The following CLYBL variants were observed in gnomAD, a reference collection of about 807,000 sequenced individuals.
The protein encoded by CLYBL is citramalyl-CoA lyase, mitochondrial.
CLYBL carries 31 observed loss-of-function variants against 38.9 expected under a neutral mutation model. That is an observed-to-expected ratio of 0.80 (90% confidence interval 0.60 to 1.08). The LOEUF is 1.08. CLYBL is among the 50% of genes least tolerant of loss of function. The probability of loss-of-function intolerance (pLI) is 0.00; values close to 1 mark genes in which losing one functional copy is unlikely to be tolerated. For synonymous variants in CLYBL, 171 were observed against 158.6 expected, an observed-to-expected ratio of 1.08 and a Z score of -0.59; for missense variants, 434 against 411.6, an observed-to-expected ratio of 1.05 and a Z score of -0.47.
At chr13:99,781,007 C>T (rs1203368447) in intron 2 of CLYBL, among the ~76,000 whole-genome samples, 1 of 151,920 alleles carries the variant, frequency 6.6e-6, no homozygotes, top group Non-Finnish European at 1.5e-5. Context: ...AGCCACTGCA[C>T]CCGGCTAATC....
Position 99,606,691 on chromosome 13 carries a change from G to T in CLYBL, c.-5G>T. 1 of 1,488,520 alleles carries T rather than the reference G, an allele frequency of 6.7e-7. No homozygotes were observed. The allele number at this position is 1,488,520 out of a possible 1,614,324, so 92.2% of individuals were successfully genotyped here. A position where few individuals can be genotyped will look rare whatever the true frequency, so the allele number is the denominator to read the frequency against. ...GGCAAAGGGCGGGGCGCGCGCGTCGGGAAGATGGCGCTACGTCTGCTGCGG... is the reference window on the plus strand; with the variant it reads ...GGCAAAGGGCGGGGCGCGCGCGTCGTGAAGATGGCGCTACGTCTGCTGCGG... On this transcript the variant is annotated 5_prime_UTR_variant, in exon 1 of 9. Coordinates refer to ENST00000339105, the MANE Select transcript of CLYBL (RefSeq NM_206808.5).
intron 7 of CLYBL, among the ~76,000 whole-genome samples, chr13:99,878,992 C>T (rs1342140244): frequency 1.3e-5 from 2 of 152,086 alleles, no homozygotes; most frequent in Non-Finnish European, 2.9e-5. Flanking sequence ...CCGTGGAGAC[C>T]CAGACCTGGG....
chr13:99,697,611 A>T (rs2047999214), intron 1 of CLYBL, among the ~76,000 whole-genome samples: 2 of 147,264 alleles, frequency 1.4e-5, no homozygotes, highest in Admixed American at 6.9e-5. Context: ...TGGCTTCCCA[A>T]AGTGCTGGGA....
At position 99,884,197 on chromosome 13, in the gene CLYBL, C is replaced by CAAGT. The variant is rs558288689; in HGVS notation, c.928-7120_928-7117dup. Among the ~76,000 whole-genome samples the CAAGT allele has an allele frequency of 7.2e-5, 11 of 152,258 alleles. No individual in the cohort carries two copies. In the South Asian group the frequency reaches 2.3e-3, roughly 32 times the overall value. On this transcript the variant is annotated intron_variant, in intron 7 of 8. Coordinates refer to ENST00000339105, the MANE Select transcript of CLYBL (RefSeq NM_206808.5). ...CCATGGTGTCCTACCAGAGGCTCAG[C>CAAGT]AAGTGTTGGCCAACTGACCAGTGAA...
In CLYBL at chr13:99,867,499, AC is replaced by A. The variant is rs200113173; in HGVS notation, c.802+1100del. On this transcript the variant is annotated intron_variant, in intron 6 of 8. Coordinates refer to ENST00000339105, the MANE Select transcript of CLYBL (RefSeq NM_206808.5). ...TACACAAAGAGCTAAAATAAATATG[AC>A]CCCCCCCAATTTTTTAAATAAGTGT... is the stretch of plus-strand genomic sequence containing the variant. Among the ~76,000 whole-genome samples, 20 of 148,762 alleles carry A rather than the reference AC, an allele frequency of 1.3e-4. 1 individual carries two copies. The highest frequency in any genetic ancestry group is 6.5e-4 in the South Asian group (3 of 4,628).
chr13:99,798,135 C>A (rs1046586739), intron 2 of CLYBL, among the ~76,000 whole-genome samples: 1 of 152,102 alleles, frequency 6.6e-6, no homozygotes, highest in Non-Finnish European at 1.5e-5. Flanking sequence ...CATAAGCTTC[C>A]CCATAGTCAC....
intron 2 of CLYBL, among the ~76,000 whole-genome samples, chr13:99,836,889 G>A (rs974955510): frequency 7.9e-5 from 12 of 151,970 alleles, no homozygotes; most frequent in Admixed American, 2.0e-4. Flanking sequence ...GGGGACTGTT[G>A]TGGGGTGGGG....
intron 1 of CLYBL, among the ~76,000 whole-genome samples, chr13:99,768,511 TTTTTTTTTTTTTTTTTTA>T (rs768922143): frequency 0.026 from 898 of 34,504 alleles, 39 homozygotes; most frequent in African/African-American, 0.056. Context: ...TTTTTTTTTT[TTTTTTTTTTTTTTTTTTA>T]AAGACAGAAT....
intron 2 of CLYBL, among the ~76,000 whole-genome samples, chr13:99,812,484 A>G (rs1399310421): frequency 6.6e-6 from 1 of 152,218 alleles, no homozygotes; most frequent in African/African-American, 2.4e-5. Context: ...TGGCTGGGCC[A>G]GTATTAAATG....
At chr13:99,765,717 G>T (rs910179521) in intron 1 of CLYBL, among the ~76,000 whole-genome samples, 12 of 151,702 alleles carry the variant, frequency 7.9e-5, no homozygotes, top group Non-Finnish European at 1.3e-4. Flanking sequence ...CTAATTTTTT[G>T]TATTTTTTCT....
At chr13:99,632,852 G>A (rs1399134955) in intron 1 of CLYBL, among the ~76,000 whole-genome samples, 1 of 152,120 alleles carries the variant, frequency 6.6e-6, no homozygotes, top group African/African-American at 2.4e-5. Flanking sequence ...ACAATTAATA[G>A]ACAAGGACTT....
chr13:99,662,971 G>T (rs983629020), intron 1 of CLYBL, among the ~76,000 whole-genome samples: 1 of 152,176 alleles, frequency 6.6e-6, no homozygotes, highest in Non-Finnish European at 1.5e-5. Flanking sequence ...TCTCAGGCTA[G>T]ATGCAGGACA....
At chr13:99,872,845 C>G (rs1174403106) in intron 7 of CLYBL, among the ~76,000 whole-genome samples, 1 of 152,116 alleles carries the variant, frequency 6.6e-6, no homozygotes, top group African/African-American at 2.4e-5. Context: ...GGAAAATGGC[C>G]CTTTTCCATT....
At chr13:99,904,711 A>G (rs564564482) in intron 8 of CLYBL, among the ~76,000 whole-genome samples, 1 of 152,362 alleles carries the variant, frequency 6.6e-6, no homozygotes, top group African/African-American at 2.4e-5. Flanking sequence ...GCATATAAGT[A>G]AAAAGCAGTA....
At chr13:99,830,903 G>A (rs1307683154) in intron 2 of CLYBL, among the ~76,000 whole-genome samples, 2 of 152,172 alleles carry the variant, frequency 1.3e-5, no homozygotes, top group Non-Finnish European at 2.9e-5. Flanking sequence ...TGAAGTTAAG[G>A]ATCTCGAGAA....
chr13:99,828,919 A>G (rs1209916743), intron 2 of CLYBL, among the ~76,000 whole-genome samples: 1 of 152,198 alleles, frequency 6.6e-6, no homozygotes, highest in Non-Finnish European at 1.5e-5. Flanking sequence ...GGCTGGCAGA[A>G]GCAGTGTGCA....
At chr13:99,856,786 G>T (rs946452942) in intron 2 of CLYBL, among the ~76,000 whole-genome samples, 14 of 151,862 alleles carry the variant, frequency 9.2e-5, no homozygotes, top group Admixed American at 6.6e-5. Context: ...CTACAGGTAT[G>T]TGCCACTACA....
chr13:99,828,882 C>G (rs1048479272), intron 2 of CLYBL, among the ~76,000 whole-genome samples: 1 of 152,144 alleles, frequency 6.6e-6, no homozygotes, highest in South Asian at 2.1e-4. Flanking sequence ...CAAAAATTGG[C>G]TTTGTACATA....
chr13:99,660,098 C>G (rs1330355414), intron 1 of CLYBL, among the ~76,000 whole-genome samples: 1 of 152,026 alleles, frequency 6.6e-6, no homozygotes, highest in South Asian at 2.1e-4. Flanking sequence ...GAGCTAGGTG[C>G]GAATGGAATA....
Sources: gnomAD v4.1 joint callset for allele counts (sites outside exome capture counted in the v4.1 genomes callset) on GRCh38, gnomAD v4.1.1 for gene constraint, MANE v1.5 for transcripts, NCBI Gene and HGNC (gene_info 2026-07-23, HGNC 2026-07-21) for gene names.